Variants in ABCA13 observed in about 807,000 individuals in gnomAD.
The protein encoded by ABCA13 is ATP binding cassette subfamily A member 13.
Under a neutral mutation model 478.7 loss-of-function variants are expected in ABCA13, and 476 were observed. The ratio of observed to expected loss-of-function variants is 0.99; its 90% CI spans 0.92 to 1.07. ABCA13 has a LOEUF of 1.07. ABCA13 is among the 50% of genes least tolerant of loss of function. The pLI is 0.00. For synonymous variants in ABCA13, 2,252 were observed against 2,158.9 expected, an observed-to-expected ratio of 1.04 and a Z score of -1.20; for missense variants, 6,060 against 5,910.6, an observed-to-expected ratio of 1.03 and a Z score of -0.83.
intron 41 of ABCA13, among the ~76,000 whole-genome samples, chr7:48,426,902 A>G (rs1202025126): frequency 1.3e-5 from 2 of 148,574 alleles, no homozygotes; most frequent in East Asian, 4.0e-4. Flanking sequence ...ACAACGAGGC[A>G]GCCAACACTC....
chr7:48,267,353 A>C (rs994305983), intron 15 of ABCA13, among the ~76,000 whole-genome samples: 1 of 150,620 alleles, frequency 6.6e-6, no homozygotes, highest in Admixed American at 6.6e-5. Context: ...TAATGTTCAC[A>C]AACATTTAGA....
At chr7:48,269,151 C>A (rs1795264782) in intron 16 of ABCA13, 57 bp downstream of exon 16, 4 of 983,090 alleles carry the variant, frequency 4.1e-6, no homozygotes, top group East Asian at 2.5e-5. Context: ...TGAAGATAAT[C>A]AAAACCTAAT....
intron 36 of ABCA13, among the ~76,000 whole-genome samples, chr7:48,388,794 TA>T (rs562355973): frequency 2.0e-5 from 3 of 152,282 alleles, no homozygotes; most frequent in East Asian, 1.9e-4. Flanking sequence ...TGTGTGTTTT[TA>T]TTTTTTTTAT....
chr7:48,278,303 T>G lies in ABCA13; in HGVS notation c.7109T>G (p.Leu2370Arg), dbSNP rs1796571850. ...KFMQDLFNAL[L>R]RETSMKNKTE... is the part of the protein sequence containing the mutation. ...ATGCAAGATTTATTTAATGCCCTTC[T>G]CAGGGAAACTTCAATGAAAAATAAG... is the stretch of plus-strand genomic sequence containing the variant. The change falls in exon 18 of 62, where the codon CTC becomes CGC. Residue 2370 changes from leucine (L) to arginine (R), a missense_variant. Leu to Arg is a moderately radical substitution (Grantham distance 102). Coordinates refer to ENST00000435803, the MANE Select transcript of ABCA13 (RefSeq NM_152701.5). 6.2e-7 allele frequency: 1 copy of G among 1,612,558 alleles called. No homozygotes were observed. The highest frequency in any genetic ancestry group is 1.1e-5 in the South Asian group (1 of 90,954).
chr7:48,343,510 C>A (rs1480338515), intron 29 of ABCA13, among the ~76,000 whole-genome samples: 1 of 152,166 alleles, frequency 6.6e-6, no homozygotes, highest in Non-Finnish European at 1.5e-5. Flanking sequence ...CCAGGCTTCC[C>A]AAGGTTCTCT....
intron 52 of ABCA13, among the ~76,000 whole-genome samples, chr7:48,519,395 G>GT (rs1832370108): frequency 6.6e-6 from 1 of 152,170 alleles, no homozygotes; most frequent in Admixed American, 6.5e-5. Flanking sequence ...TTCCACAGTG[G>GT]TGAACAATAA....
At chr7:48,508,150 G>A in intron 50 of ABCA13, 101 bp downstream of exon 50, 2 of 1,455,500 alleles carry the variant, frequency 1.4e-6, no homozygotes, top group African/African-American at 1.4e-5. Context: ...GGCTGCCTTG[G>A]AGTGTCCACA....
Position 48,244,467 on chromosome 7 carries a change from A to G in ABCA13, c.1263-109A>G, listed in dbSNP as rs1949897. 7,846 of 1,328,010 alleles carry G rather than the reference A, an allele frequency of 5.9e-3. 362 individuals are homozygous for G. The African/African-American group carries it at 0.1, about 17-fold the overall frequency. The allele number at this position is 1,328,010 out of a possible 1,614,324, so 82.3% of individuals were successfully genotyped here. ...AAGTGTGACTTTCAGTCTAGTGAAC[A>G]CACTTCTCAAAGCAGTGGAATATTT... On this transcript the variant is annotated intron_variant, in intron 10 of 61. Transcript: ENST00000435803.
At chr7:48,459,460 C>A (rs186315042) in intron 43 of ABCA13, among the ~76,000 whole-genome samples, 93 of 152,314 alleles carry the variant, frequency 6.1e-4, no homozygotes, top group African/African-American at 2.2e-3. Context: ...CCTCAGTCCT[C>A]TGCCACTCCC....
intron 32 of ABCA13, among the ~76,000 whole-genome samples, chr7:48,369,417 T>C (rs538830526): frequency 2.2e-4 from 34 of 152,298 alleles, no homozygotes; most frequent in Non-Finnish European, 4.3e-4. Context: ...TATTTATCTT[T>C]GTTTTCGTTG....
chr7:48,195,707 C>T (rs566497722), intron 2 of ABCA13, among the ~76,000 whole-genome samples: 1 of 152,196 alleles, frequency 6.6e-6, no homozygotes, highest in East Asian at 1.9e-4. Flanking sequence ...GAAGGAGAAA[C>T]TTCCAGAACA....
chr7:48,425,767 G>C (rs180721742), intron 41 of ABCA13, among the ~76,000 whole-genome samples: 1 of 135,542 alleles, frequency 7.4e-6, no homozygotes, highest in African/African-American at 2.5e-5. Context: ...TTTCGAGATG[G>C]AGTCTCGCTG....
At chr7:48,388,671 ACAT>A (rs1272225911) in intron 36 of ABCA13, among the ~76,000 whole-genome samples, 5 of 152,400 alleles carry the variant, frequency 3.3e-5, no homozygotes, top group African/African-American at 1.2e-4. Flanking sequence ...AATGTGGAAC[ACAT>A]CAACAAGCAC....
chr7:48,215,616 A>C (rs1289956065), intron 3 of ABCA13, among the ~76,000 whole-genome samples: 12 of 152,202 alleles, frequency 7.9e-5, no homozygotes, highest in Non-Finnish European at 1.3e-4. Context: ...GAAGCATAAT[A>C]AAACAAGGTA....
intron 59 of ABCA13, among the ~76,000 whole-genome samples, chr7:48,624,061 T>A (rs1304912077): frequency 5.6e-5 from 4 of 71,466 alleles, no homozygotes; most frequent in Non-Finnish European, 8.4e-5. Context: ...CATGATAGAG[T>A]GTGTGTGTGT....
chr7:48,232,141 T>TTTTTTTTTTC (rs1789219895), intron 7 of ABCA13, among the ~76,000 whole-genome samples: 1 of 79,656 alleles, frequency 1.3e-5, no homozygotes, highest in Non-Finnish European at 2.5e-5. Context: ...CACATGGAAT[T>TTTTTTTTTTC]TTTTTTTTTT....
chr7:48,571,708 A>G (rs1049247824), intron 55 of ABCA13, among the ~76,000 whole-genome samples: 1 of 152,182 alleles, frequency 6.6e-6, no homozygotes. Context: ...TATTATACAC[A>G]TAAGGATCTC....
In ABCA13 at chr7:48,646,894, T is replaced by C. The variant is rs1031957292; in HGVS notation, c.*1382T>C. ...TCTCAGAATTGTTGTCTTCAAAGCATTGTCAGATGTAGAGTGCTCAGATGT... is the reference window on the plus strand; with the variant it reads ...TCTCAGAATTGTTGTCTTCAAAGCACTGTCAGATGTAGAGTGCTCAGATGT... On this transcript the variant is annotated 3_prime_UTR_variant, in exon 62 of 62. Transcript: ENST00000435803. 1 of 152,220 alleles carries C rather than the reference T, an allele frequency of 6.6e-6. No homozygotes were observed. The highest frequency in any genetic ancestry group is 1.5e-5 in the Non-Finnish European group (1 of 68,036). The allele number at this position is 152,220 out of a possible 1,614,324, so 9.4% of individuals were successfully genotyped here.
chr7:48,260,244 T>A (rs559246175), intron 15 of ABCA13, among the ~76,000 whole-genome samples: 1 of 152,084 alleles, frequency 6.6e-6, no homozygotes, highest in Non-Finnish European at 1.5e-5. Context: ...TGTCAGCTGA[T>A]GTTTCTTTAA....
Sources: gnomAD v4.1 joint callset for allele counts (sites outside exome capture counted in the v4.1 genomes callset) on GRCh38, gnomAD v4.1.1 for gene constraint, MANE v1.5 for transcripts, NCBI Gene and HGNC (gene_info 2026-07-23, HGNC 2026-07-21) for gene names.